Variants in CHST9 observed in about 807,000 individuals in gnomAD.
CHST9 encodes carbohydrate sulfotransferase 9.
A neutral mutation model predicts 44.4 loss-of-function variants in CHST9; 41 were observed. The observed-to-expected ratio is 0.92, with a 90% CI of 0.72 to 1.20. The LOEUF (loss-of-function observed/expected upper bound fraction) is 1.20, where lower values mean the gene tolerates loss of function less well. CHST9 is among the 50% of genes most tolerant of loss of function. The pLI, the probability that CHST9 is intolerant of heterozygous loss-of-function variation, is 0.00. For missense variants in CHST9, 504 were observed against 516.5 expected (o/e 0.98, Z 0.23); for synonymous variants, 171 against 178.4 (o/e 0.96, Z 0.33).
intron 4 of CHST9, among the ~76,000 whole-genome samples, chr18:26,996,687 T>C (rs2056891753): frequency 6.6e-6 from 1 of 152,220 alleles, no homozygotes; most frequent in Non-Finnish European, 1.5e-5. Context: ...ATACAGACTC[T>C]AGTTAAAGTA....
intron 1 of CHST9, among the ~76,000 whole-genome samples, chr18:27,161,026 C>G (rs560424096): frequency 6.6e-5 from 10 of 151,586 alleles, no homozygotes; most frequent in South Asian, 2.1e-4. Flanking sequence ...TCTTGCTAGC[C>G]GTCTATCAAT....
chr18:27,079,050 C>T (rs2057935699), intron 2 of CHST9, among the ~76,000 whole-genome samples: 1 of 152,158 alleles, frequency 6.6e-6, no homozygotes, highest in Non-Finnish European at 1.5e-5. Flanking sequence ...AGGTATTTGT[C>T]TCCATCATCA....
chr18:27,174,251 A>G (rs927833378), intron 1 of CHST9, among the ~76,000 whole-genome samples: 1 of 151,870 alleles, frequency 6.6e-6, no homozygotes, highest in Non-Finnish European at 1.5e-5. Context: ...CCTGAACAAT[A>G]TTTCAGGCTT....
At chr18:26,948,559 T>A (rs575553429) in intron 4 of CHST9, among the ~76,000 whole-genome samples, 1 of 152,120 alleles carries the variant, frequency 6.6e-6, no homozygotes, top group Admixed American at 6.5e-5. Context: ...AAGAGACAAA[T>A]AAGAGCCAAA....
intron 4 of CHST9, among the ~76,000 whole-genome samples, chr18:26,977,876 C>A (rs1001764144): frequency 1.6e-4 from 25 of 151,696 alleles, no homozygotes; most frequent in Non-Finnish European, 4.4e-5. Context: ...CATATATAGC[C>A]AAAGTCACTA....
chr18:27,098,667 C>T (rs560872657), intron 2 of CHST9, among the ~76,000 whole-genome samples: 32 of 152,160 alleles, frequency 2.1e-4, no homozygotes, highest in Non-Finnish European at 3.8e-4. Flanking sequence ...ATGGATGAAG[C>T]TAGAAGCCAT....
At chr18:26,957,237 C>T (rs1345355265) in intron 4 of CHST9, among the ~76,000 whole-genome samples, 1 of 152,172 alleles carries the variant, frequency 6.6e-6, no homozygotes, top group African/African-American at 2.4e-5. Flanking sequence ...AGCCCAGAGG[C>T]TAAGTGAATT....
chr18:26,921,074 G>C (rs935075076), intron 5 of CHST9, among the ~76,000 whole-genome samples: 4 of 152,098 alleles, frequency 2.6e-5, no homozygotes, highest in African/African-American at 4.8e-5. Context: ...ATATAAGAAA[G>C]GAAAGTATAA....
chr18:27,013,446 ATAAT>A (rs1361058771), intron 4 of CHST9, among the ~76,000 whole-genome samples: 3 of 152,230 alleles, frequency 2.0e-5, no homozygotes, highest in African/African-American at 7.2e-5. Context: ...ATTAGGAAAA[ATAAT>A]TAAACAAACA....
At chr18:26,917,834 G>C (rs1275811808) in intron 5 of CHST9, among the ~76,000 whole-genome samples, 1 of 151,762 alleles carries the variant, frequency 6.6e-6, no homozygotes, top group African/African-American at 2.4e-5. Context: ...TATAAATCTC[G>C]ATGACCACTT....
chr18:26,980,203 G>C (rs191357810), intron 4 of CHST9, among the ~76,000 whole-genome samples: 1 of 152,034 alleles, frequency 6.6e-6, no homozygotes, highest in African/African-American at 2.4e-5. Flanking sequence ...AGGATGTTTT[G>C]TTATGGTTAT....
chr18:26,966,017 GCA>G (rs1462532547), intron 4 of CHST9, among the ~76,000 whole-genome samples: 2 of 152,188 alleles, frequency 1.3e-5, no homozygotes, highest in Admixed American at 1.3e-4. Flanking sequence ...GCCTAATGTT[GCA>G]CAGTTTGGCA....
chr18:26,952,382 C>T, intron 4 of CHST9: 1 of 461,886 alleles, frequency 2.2e-6, no homozygotes, highest in Non-Finnish European at 4.3e-6. Context: ...CAACAATTGT[C>T]TGTGGTGGGG....
rs1702136551 is a variant in CHST9, at chr18:26,912,007, T to C, written c.*4252A>G. ...GGATAATGCACAGTTGCTCTGTTTCTAGCAGGAGTGGTTCTCACTGTGTGT... is the reference window on the plus strand; with the variant it reads ...GGATAATGCACAGTTGCTCTGTTTCCAGCAGGAGTGGTTCTCACTGTGTGT... On this transcript the variant is annotated 3_prime_UTR_variant, in exon 6 of 6. Transcript: ENST00000618847. 6.6e-6 allele frequency: 1 copy of C among 152,206 alleles called. No individual in the cohort carries two copies. The highest frequency in any genetic ancestry group is 6.5e-5 in the Admixed American group (1 of 15,276). 9.4% of individuals were successfully genotyped at this position (152,206 alleles called of 1,614,324 possible). A position where few individuals can be genotyped will look rare whatever the true frequency, so the allele number is the denominator to read the frequency against.
At chr18:26,945,725 C>T (rs892108373) in intron 4 of CHST9, among the ~76,000 whole-genome samples, 5 of 152,268 alleles carry the variant, frequency 3.3e-5, no homozygotes, top group Admixed American at 6.5e-5. Context: ...CTGCTATAAA[C>T]ATTTTTGTAC....
intron 4 of CHST9, among the ~76,000 whole-genome samples, chr18:27,002,273 C>A (rs1054698818): frequency 3.3e-5 from 5 of 151,956 alleles, no homozygotes; most frequent in Non-Finnish European, 7.4e-5. Context: ...GCTACAATAG[C>A]CTTGCTATTT....
At chr18:26,920,901 T>C (rs1263946213) in intron 5 of CHST9, among the ~76,000 whole-genome samples, 1 of 152,192 alleles carries the variant, frequency 6.6e-6, no homozygotes, top group Non-Finnish European at 1.5e-5. Flanking sequence ...CACTCAACGC[T>C]GTCTCCAAAC....
At chr18:27,085,717 T>C (rs1381560061) in intron 2 of CHST9, among the ~76,000 whole-genome samples, 6 of 152,058 alleles carry the variant, frequency 3.9e-5, no homozygotes, top group Non-Finnish European at 1.5e-5. Flanking sequence ...TGGAAACTTC[T>C]CAAAAAACTT....
chr18:27,161,312 C>A lies in CHST9; in HGVS notation c.-96-18407G>T, dbSNP rs143008957. Among the ~76,000 whole-genome samples the A allele has an allele frequency of 7.9e-3, 1,205 of 152,254 alleles. 19 individuals are homozygous for A. The highest frequency in any genetic ancestry group is 0.028 in the African/African-American group (1,146 of 41,554). ...TCCCAGAGATTCTGGTATGTTGTGT[C>A]TTTGTTCTTGTTTGTTTCAAAGAAC... On this transcript the variant is annotated intron_variant, in intron 1 of 5. Transcript: ENST00000618847.
Sources: allele counts gnomAD v4.1 joint callset (sites outside exome capture counted in the v4.1 genomes callset), GRCh38; gene constraint gnomAD v4.1.1; transcripts MANE v1.5; gene names NCBI Gene and HGNC (gene_info 2026-07-23, HGNC 2026-07-21).